The following ROBO2 variants were observed in gnomAD, a reference collection of about 807,000 sequenced individuals.
ROBO2 encodes the protein roundabout guidance receptor 2, also known as roundabout homolog 2.
ROBO2 carries 53 observed loss-of-function variants against 160.8 expected under a neutral mutation model. That is an observed-to-expected ratio of 0.33 (90% CI 0.26 to 0.41). The LOEUF (loss-of-function observed/expected upper bound fraction) is 0.41. Among genes scored for constraint, ROBO2 ranks in the 10% least tolerant of loss-of-function variants. The probability of loss-of-function intolerance (pLI) is 1.00; values close to 1 mark genes in which losing one functional copy is unlikely to be tolerated. For missense variants in ROBO2, 1,577 were observed against 1,722.4 expected, an observed-to-expected ratio of 0.92 and a Z score of 1.49; for synonymous variants, 664 against 611.7, an observed-to-expected ratio of 1.09 and a Z score of -1.26.
chr3:76,842,697 G>T (rs1027694598), intron 2 of ROBO2, among the ~76,000 whole-genome samples: 1 of 152,066 alleles, frequency 6.6e-6, no homozygotes, highest in Admixed American at 6.6e-5. Context: ...ATGAAACGTG[G>T]TTTATAAATA....
chr3:77,356,499 A>G (rs908801694), intron 2 of ROBO2, among the ~76,000 whole-genome samples: 2 of 152,202 alleles, frequency 1.3e-5, no homozygotes, highest in Admixed American at 6.6e-5. Context: ...TGGGTTGGGT[A>G]TGTAGACGAA....
intron 2 of ROBO2, among the ~76,000 whole-genome samples, chr3:76,877,596 T>G (rs1577200991): frequency 6.6e-6 from 1 of 152,234 alleles, no homozygotes; most frequent in East Asian, 1.9e-4. Context: ...TTCCACTTTG[T>G]ATCTTCGAAA....
At chr3:77,106,439 A>G (rs28454706) in intron 2 of ROBO2, among the ~76,000 whole-genome samples, 24,188 of 152,110 alleles carry the variant, frequency 0.16, 2,421 homozygotes, top group Non-Finnish European at 0.22. Flanking sequence ...AGCTTAGGAA[A>G]TATAATTTCG....
intron 2 of ROBO2, among the ~76,000 whole-genome samples, chr3:76,568,317 A>G (rs2084728979): frequency 6.6e-6 from 1 of 151,696 alleles, no homozygotes; most frequent in Non-Finnish European, 1.5e-5. Flanking sequence ...ATTTATTTTG[A>G]GGCGGAGTCT....
At chr3:76,291,619 G>A (rs1258987429) in intron 2 of ROBO2, among the ~76,000 whole-genome samples, 2 of 151,996 alleles carry the variant, frequency 1.3e-5, no homozygotes, top group African/African-American at 4.8e-5. Flanking sequence ...TGTTAGGTTG[G>A]TTGTTAGTTT....
intron 2 of ROBO2, among the ~76,000 whole-genome samples, chr3:76,216,887 CA>C (rs1269308576): frequency 6.6e-6 from 1 of 152,130 alleles, no homozygotes; most frequent in Non-Finnish European, 1.5e-5. Flanking sequence ...ACACCTACTC[CA>C]AAACTGACCA....
At chr3:77,572,464 C>T (rs1201688309) in intron 13 of ROBO2, among the ~76,000 whole-genome samples, 1 of 151,830 alleles carries the variant, frequency 6.6e-6, no homozygotes, top group Non-Finnish European at 1.5e-5. Flanking sequence ...TGAGGACTTG[C>T]CGATCACCAG....
At chr3:76,314,712 C>T (rs144835195) in intron 2 of ROBO2, among the ~76,000 whole-genome samples, 4,828 of 152,108 alleles carry the variant, frequency 0.032, 121 homozygotes, top group Non-Finnish European at 0.049. Flanking sequence ...CCCTAGCTTA[C>T]TTTACTGTAA....
At chr3:77,477,369 G>A (rs1560946698) in intron 2 of ROBO2, 45 bp from the exon 3 acceptor site, 1 of 1,598,586 alleles carries the variant, frequency 6.3e-7, no homozygotes, top group Non-Finnish European at 8.6e-7. Context: ...AAAAGCCTAA[G>A]TTACTGTCGT....
chr3:76,991,903 G>A (rs368080793), intron 2 of ROBO2, among the ~76,000 whole-genome samples: 121 of 152,110 alleles, frequency 8.0e-4, no homozygotes, highest in Admixed American at 1.4e-3. Flanking sequence ...TCAAATGCAG[G>A]GTTATCTGAA....
intron 2 of ROBO2, among the ~76,000 whole-genome samples, chr3:75,962,517 A>G (rs538438876): frequency 6.6e-6 from 1 of 151,920 alleles, no homozygotes; most frequent in South Asian, 2.1e-4. Flanking sequence ...GCTGAAGTCA[A>G]CACTAAAAAG....
At chr3:76,388,161 AT>A (rs1330207667) in intron 2 of ROBO2, among the ~76,000 whole-genome samples, 1 of 151,380 alleles carries the variant, frequency 6.6e-6, no homozygotes, top group Admixed American at 6.6e-5. Flanking sequence ...TTGTGTTATA[AT>A]TTTAACTTTT....
intron 24 of ROBO2, among the ~76,000 whole-genome samples, chr3:77,640,782 C>A (rs368290249): frequency 9.5e-4 from 144 of 152,284 alleles, no homozygotes; most frequent in African/African-American, 3.4e-3. Context: ...AAAAACCATT[C>A]TTAATCCCAT....
intron 2 of ROBO2, among the ~76,000 whole-genome samples, chr3:76,555,383 A>AGAC (rs2083674450): frequency 3.0e-5 from 2 of 66,298 alleles, no homozygotes; most frequent in Non-Finnish European, 9.3e-5. Flanking sequence ...AAGAAGAAGA[A>AGAC]GAAGAAGAAG....
chr3:76,389,889 G>A (rs554446448), intron 2 of ROBO2, among the ~76,000 whole-genome samples: 32 of 152,222 alleles, frequency 2.1e-4, no homozygotes, highest in African/African-American at 4.3e-4. Context: ...CTGTGTTACC[G>A]TTTGCATCTT....
chr3:77,254,238 C>A (rs940498027), intron 2 of ROBO2, among the ~76,000 whole-genome samples: 1 of 152,078 alleles, frequency 6.6e-6, no homozygotes, highest in Non-Finnish European at 1.5e-5. Flanking sequence ...TCCACTAGAG[C>A]CTGAGTGACA....
chr3:77,463,228 A>G (rs1474874631), intron 2 of ROBO2, among the ~76,000 whole-genome samples: 1 of 152,208 alleles, frequency 6.6e-6, no homozygotes, highest in East Asian at 1.9e-4. Context: ...CTCAACAACT[A>G]GAGCTGGTTG....
intron 2 of ROBO2, among the ~76,000 whole-genome samples, chr3:76,154,766 T>C (rs915945842): frequency 1.3e-5 from 2 of 152,172 alleles, no homozygotes; most frequent in African/African-American, 4.8e-5. Flanking sequence ...TGTTTAACCA[T>C]CTTCTCAATT....
At chr3:77,325,094 G>T (rs915480818) in intron 2 of ROBO2, among the ~76,000 whole-genome samples, 3 of 152,164 alleles carry the variant, frequency 2.0e-5, no homozygotes, top group Non-Finnish European at 4.4e-5. Context: ...AATAAGAAAT[G>T]ATTCATAAGT....
Sources: gnomAD v4.1 joint callset for allele counts (sites outside exome capture counted in the v4.1 genomes callset) on GRCh38, gnomAD v4.1.1 for gene constraint, MANE v1.5 for transcripts, NCBI Gene and HGNC (gene_info 2026-07-23, HGNC 2026-07-21) for gene names.